TMPRSS7: variants seen among roughly 807,000 people sequenced by gnomAD.
The protein encoded by TMPRSS7 is transmembrane serine protease 7.
A neutral mutation model predicts 95.6 loss-of-function variants in TMPRSS7; 81 were observed. The ratio of observed to expected loss-of-function variants is 0.85; its 90% CI spans 0.71 to 1.02. The LOEUF (loss-of-function observed/expected upper bound fraction) is 1.02, where lower values mean the gene tolerates loss of function less well. Among genes scored for constraint, TMPRSS7 ranks in the 50% least tolerant of loss-of-function variants. TMPRSS7 has a pLI of 0.00. For missense variants in TMPRSS7, 945 were observed against 955.2 expected (o/e 0.99, Z 0.14); for synonymous variants, 364 against 337.8 (o/e 1.08, Z -0.85).
At chr3:112,063,689 A>T in intron 12 of TMPRSS7, 57 bp downstream of exon 12, 1 of 1,372,844 alleles carries the variant, frequency 7.3e-7, no homozygotes, top group Non-Finnish European at 1.0e-6. Flanking sequence ...TCTCAGGACC[A>T]TGATTGCTGC....
exon 9 of TMPRSS7, chr3:112,050,681 C>A: frequency 6.3e-7 from 1 of 1,593,962 alleles, no homozygotes; most frequent in South Asian, 1.1e-5. Context: ...AGTGTGAAAA[C>A]ACAGTGTTGG....
Position 112,055,011 on chromosome 3 carries a change from A to G in TMPRSS7, c.1204-2014A>G, listed in dbSNP as rs1262575041. On this transcript the variant is annotated intron_variant, in intron 9 of 17. Transcript: ENST00000452346. ...TCCTGGGCCTCCCAAAGTGCTTGGG[A>G]TGACAGGCGTGAGCCACTGCACCCG... Among the ~76,000 whole-genome samples, 2 of 151,990 alleles carry G rather than the reference A, an allele frequency of 1.3e-5. 1 individual carries two copies. Among genetic ancestry groups the G allele is most frequent in the Non-Finnish European group, 2.9e-5 (2 of 67,980 alleles).
At chr3:112,072,472 C>T (rs974861240) in intron 13 of TMPRSS7, among the ~76,000 whole-genome samples, 1 of 152,230 alleles carries the variant, frequency 6.6e-6, no homozygotes, top group Non-Finnish European at 1.5e-5. Flanking sequence ...AGCTCAAATG[C>T]CATGCCAGGA....
At chr3:112,080,930 C>T (rs765927777) in exon 18 of TMPRSS7, 2 of 1,613,330 alleles carry the variant, frequency 1.2e-6, no homozygotes, top group Non-Finnish European at 1.7e-6. Context: ...TCGGGTGGAC[C>T]TTTATCTTGT....
At chr3:112,077,014 A>G (rs371774824) in exon 16 of TMPRSS7, 52 of 1,614,028 alleles carry the variant, frequency 3.2e-5, no homozygotes, top group Non-Finnish European at 4.2e-5. Flanking sequence ...TTGCTTTGCT[A>G]CAGCTCAGTA....
intron 13 of TMPRSS7, among the ~76,000 whole-genome samples, chr3:112,067,090 C>T (rs1281767012): frequency 2.0e-5 from 3 of 152,056 alleles, no homozygotes; most frequent in African/African-American, 7.2e-5. Context: ...TTTGGTTTTC[C>T]GTCCTTGTGA....
intron 15 of TMPRSS7, 116 bp downstream of exon 15, chr3:112,075,608 C>T: frequency 1.0e-6 from 1 of 973,152 alleles, no homozygotes; most frequent in East Asian, 2.9e-5. Context: ...TTCAATTGCA[C>T]TTTCATTTTT....
exon 11 of TMPRSS7, chr3:112,061,863 A>G: frequency 6.2e-7 from 1 of 1,612,318 alleles, no homozygotes; most frequent in Non-Finnish European, 8.5e-7. Context: ...GCTCCAGTGC[A>G]GTTCAAGGCT....
intron 11 of TMPRSS7, among the ~76,000 whole-genome samples, 165 bp from the exon 12 acceptor site, chr3:112,063,360 G>A (rs1043716669): frequency 3.3e-5 from 5 of 152,164 alleles, no homozygotes; most frequent in African/African-American, 1.2e-4. Flanking sequence ...CCGCTTTTTT[G>A]TCTTTCAATG....
chr3:112,050,542 A>AAATTTT, intron 8 of TMPRSS7, 129 bp from the exon 9 acceptor site: 3 of 407,356 alleles, frequency 7.4e-6, no homozygotes, highest in East Asian at 3.8e-5. Context: ...AAAAAAACCC[A>AAATTTT]AAGTTTAAGA....
chr3:112,046,126 T>G (rs1357143915), intron 5 of TMPRSS7, among the ~76,000 whole-genome samples, 183 bp downstream of exon 5: 1 of 152,224 alleles, frequency 6.6e-6, no homozygotes, highest in African/African-American at 2.4e-5. Context: ...TGTTGTATAT[T>G]GCAATTGAAC....
upstream of TMPRSS7, chr3:112,034,826 C>G (rs1298259811): frequency 1.4e-6 from 1 of 702,682 alleles, no homozygotes; most frequent in African/African-American, 1.7e-5. Context: ...CCTGGATGAT[C>G]ACACACAAAA....
At chr3:112,065,523 G>A (rs559582952) in intron 12 of TMPRSS7, among the ~76,000 whole-genome samples, 1 of 151,988 alleles carries the variant, frequency 6.6e-6, no homozygotes, top group African/African-American at 2.4e-5. Context: ...AATGATTATT[G>A]TTAATTTATA....
intron 3 of TMPRSS7, 29 bp downstream of exon 3, chr3:112,042,079 G>A: frequency 6.5e-7 from 1 of 1,538,808 alleles, no homozygotes; most frequent in Non-Finnish European, 8.8e-7. Context: ...AGGGTATTAG[G>A]GTAGAGTGGG....
chr3:112,057,088 A>G, exon 10 of TMPRSS7: 1 of 1,613,644 alleles, frequency 6.2e-7, no homozygotes, highest in Non-Finnish European at 8.5e-7. Flanking sequence ...CAAGAAGAGT[A>G]TGAAAGGCTG....
chr3:112,065,091 A>G lies in TMPRSS7; in HGVS notation c.1556-1301A>G, dbSNP rs75451861. Among the ~76,000 whole-genome samples the G allele has an allele frequency of 4.2e-3, 645 of 152,286 alleles. 22 individuals are homozygous for G. In the East Asian group the frequency reaches 0.065, roughly 15 times the overall value. Reference sequence around the variant, plus strand: ...GGTATTGCTCTGCCATCCAGGCTGGAGAGCAGTGGTGTGATCATAGCTCAC... The same window carrying G: ...GGTATTGCTCTGCCATCCAGGCTGGGGAGCAGTGGTGTGATCATAGCTCAC... On this transcript the variant is annotated intron_variant, in intron 12 of 17. Transcript: ENST00000452346.
At chr3:112,057,367 T>C (rs1270645975) in intron 10 of TMPRSS7, among the ~76,000 whole-genome samples, 3 of 152,204 alleles carry the variant, frequency 2.0e-5, no homozygotes, top group Non-Finnish European at 2.9e-5. Flanking sequence ...GCTACAGATA[T>C]GTATATTCCA....
At position 112,075,304 on chromosome 3, in the gene TMPRSS7, C is replaced by CCCTTTCT; in HGVS notation, c.1784-14_1784-8dup. 7.1e-7 allele frequency: 1 copy of CCCTTTCT among 1,398,934 alleles called. No individual in the cohort carries two copies. Among genetic ancestry groups the CCCTTTCT allele is most frequent in the Non-Finnish European group, 9.4e-7 (1 of 1,067,368 alleles). The allele number at this position is 1,398,934 out of a possible 1,614,324, so 86.7% of individuals were successfully genotyped here. ...TCCAAGTCTACCTTTAAATCACATG[C>CCCTTTCT]CCTTTCTCCACCAAAGCCTGCAGCA... On this transcript the variant is annotated splice_polypyrimidine_tract_variant and intron_variant, in intron 14 of 17. Transcript: ENST00000452346.
chr3:112,062,995 T>C (rs2073529617), intron 11 of TMPRSS7, among the ~76,000 whole-genome samples: 1 of 152,166 alleles, frequency 6.6e-6, no homozygotes, highest in Admixed American at 6.5e-5. Flanking sequence ...TCGAGGCCAG[T>C]AAGTAATCTC....
Sources: allele counts gnomAD v4.1 joint callset (sites outside exome capture counted in the v4.1 genomes callset), GRCh38; gene constraint gnomAD v4.1.1; transcripts MANE v1.5; gene names NCBI Gene and HGNC (gene_info 2026-07-23, HGNC 2026-07-21).